The following EMC1 variants were observed in gnomAD, a reference collection of about 807,000 sequenced individuals.
The protein encoded by EMC1 is ER membrane protein complex subunit 1, also known as KIAA0090.
In EMC1, 103 loss-of-function variants were observed where a neutral mutation model predicts 128.8. That is an observed-to-expected ratio of 0.80 (90% CI 0.68 to 0.94). The LOEUF is 0.94. Among genes scored for constraint, EMC1 ranks in the 40% least tolerant of loss-of-function variants. EMC1 has a pLI of 0.00. For synonymous variants in EMC1, 442 were observed against 490.4 expected (o/e 0.90, Z 1.30); for missense variants, 1,083 against 1,250.6 (o/e 0.87, Z 2.02).
intron 6 of EMC1, 70 bp from the exon 7 acceptor site, chr1:19,240,516 A>G (rs763432428): frequency 7.0e-6 from 11 of 1,562,056 alleles, no homozygotes; most frequent in Non-Finnish European, 8.8e-6. Context: ...CCCAACAGCA[A>G]TATTGCTGCC....
Position 19,219,020 on chromosome 1 carries a change from A to T in EMC1, c.*283T>A. 1 of 308,602 alleles carries T rather than the reference A, an allele frequency of 3.2e-6. No individual in the cohort carries two copies. Among genetic ancestry groups the T allele is most frequent in the Non-Finnish European group, 6.0e-6 (1 of 166,146 alleles). The allele number at this position is 308,602 out of a possible 1,614,324, so 19.1% of individuals were successfully genotyped here. On this transcript the variant is annotated 3_prime_UTR_variant, in exon 23 of 23. Coordinates refer to ENST00000477853, the MANE Select transcript of EMC1 (RefSeq NM_015047.3). ...CAAAACAGAACATTCATGGATGGGCAAAGAAAGGAAACAATGCAGACGCCT... is the reference window on the plus strand; with the variant it reads ...CAAAACAGAACATTCATGGATGGGCTAAGAAAGGAAACAATGCAGACGCCT...
rs1230535881 is a variant in EMC1 at position 19,239,319 on chromosome 1, G to A, written c.955-17C>T. ...TAGGGCAGTCTGGGGGAAAAGCAAGGCATCAGCTCCTAAATGGGACCAGTA... is the reference window on the plus strand; with the variant it reads ...TAGGGCAGTCTGGGGGAAAAGCAAGACATCAGCTCCTAAATGGGACCAGTA... On this transcript the variant is annotated splice_polypyrimidine_tract_variant and intron_variant, in intron 8 of 22. Coordinates refer to ENST00000477853, the MANE Select transcript of EMC1 (RefSeq NM_015047.3). 6.2e-7 allele frequency: 1 copy of A among 1,612,746 alleles called. No individual in the cohort carries two copies. The highest frequency in any genetic ancestry group is 1.1e-5 in the South Asian group (1 of 91,050).
intron 17 of EMC1, among the ~76,000 whole-genome samples, chr1:19,230,389 C>G (rs2093510965): frequency 6.6e-6 from 1 of 151,116 alleles, no homozygotes; most frequent in African/African-American, 2.4e-5. Flanking sequence ...GCCAACACAG[C>G]AAAGCCCTGT....
chr1:19,239,387 CCTTGGCCTTAGAGTTGA>C, intron 8 of EMC1, 85 bp from the exon 9 acceptor site: 1 of 1,249,920 alleles, frequency 8.0e-7, no homozygotes, highest in Non-Finnish European at 1.2e-6. Flanking sequence ...CAGGGAAGGC[CCTTGGCCTTAGAGTTGA>C]AAGTGCTCCC....
chr1:19,240,076 G>T, intron 7 of EMC1, 91 bp from the exon 8 acceptor site: 1 of 1,359,662 alleles, frequency 7.4e-7, no homozygotes, highest in Non-Finnish European at 1.0e-6. Flanking sequence ...CTTTGCCGGG[G>T]GAAGTAACTG....
intron 3 of EMC1, 28 bp from the exon 4 acceptor site, chr1:19,243,735 C>A: frequency 6.2e-7 from 1 of 1,607,738 alleles, no homozygotes; most frequent in African/African-American, 1.3e-5. Context: ...GTGGTGAAGT[C>A]ATTTCCCACT....
At chr1:19,250,849 G>A (rs779549927) in intron 1 of EMC1, among the ~76,000 whole-genome samples, 4 of 152,158 alleles carry the variant, frequency 2.6e-5, no homozygotes, top group Admixed American at 6.5e-5. Context: ...AGCTACTCCA[G>A]GGCCTTAAGG....
At chr1:19,245,658 C>A (rs1350382537) in intron 1 of EMC1, among the ~76,000 whole-genome samples, 1 of 115,190 alleles carries the variant, frequency 8.7e-6, no homozygotes, top group Non-Finnish European at 1.7e-5. Flanking sequence ...AAGTCTCACT[C>A]TTGTCCCCCA....
intron 19 of EMC1, 74 bp from the exon 20 acceptor site, chr1:19,222,908 AC>A: frequency 2.6e-6 from 3 of 1,147,768 alleles, no homozygotes; most frequent in Non-Finnish European, 3.7e-6. Flanking sequence ...ACTGGAAGGC[AC>A]CCCTCTAATT....
intron 1 of EMC1, among the ~76,000 whole-genome samples, chr1:19,246,274 C>A (rs1474448932): frequency 6.6e-5 from 10 of 151,868 alleles, no homozygotes; most frequent in African/African-American, 1.2e-4. Context: ...CCTGTCATCC[C>A]AACTACTCGG....
chr1:19,224,023 T>A (rs530612536), intron 18 of EMC1, among the ~76,000 whole-genome samples: 15 of 152,296 alleles, frequency 9.8e-5, no homozygotes, highest in Admixed American at 3.9e-4. Context: ...CTTGACCCAC[T>A]AGTACCACGT....
chr1:19,249,275 CTGA>C (rs2093646193), intron 1 of EMC1, among the ~76,000 whole-genome samples: 1 of 91,008 alleles, frequency 1.1e-5, no homozygotes, highest in Non-Finnish European at 2.5e-5. Flanking sequence ...CAACCACTTA[CTGA>C]CTAACCCCAG....
At position 19,238,077 on chromosome 1, in the gene EMC1, C is replaced by T. The variant is rs141353247; in HGVS notation, c.1152G>A (p.Arg384=). 6.2e-7 allele frequency: 1 copy of T among 1,614,148 alleles called. No homozygotes were observed. The highest frequency in any genetic ancestry group is 1.3e-5 in the African/African-American group (1 of 75,054). Residue 384 remains arginine (R), a synonymous_variant, in exon 11 of 23, where the codon CGG becomes CGA. Coordinates refer to ENST00000477853, the MANE Select transcript of EMC1 (RefSeq NM_015047.3). ...TINLYLVETG[R]RLLDTTITFS... ...ATGTTATCGTGGTGTCCAGCAGCCG[C>T]CGACCTGTCTCCACGAGGTATAGGT...
At position 19,218,613 on chromosome 1, in the gene EMC1, G is replaced by C. The variant is rs1236903423; in HGVS notation, c.*690C>G. 6.6e-6 allele frequency: 1 copy of C among 152,152 alleles called. No individual in the cohort carries two copies. Among genetic ancestry groups the C allele is most frequent in the Non-Finnish European group, 1.5e-5 (1 of 68,044 alleles). The allele number at this position is 152,152 out of a possible 1,614,324, so 9.4% of individuals were successfully genotyped here. A position where few individuals can be genotyped will look rare whatever the true frequency, so the allele number is the denominator to read the frequency against. On this transcript the variant is annotated 3_prime_UTR_variant, in exon 23 of 23. Coordinates refer to ENST00000477853, the MANE Select transcript of EMC1 (RefSeq NM_015047.3). Reference sequence around the variant, plus strand: ...ATAGGCAATGGGCAACAAACAAGACGCTAGTATGCACTTGGCTTCTGATAA... The same window carrying C: ...ATAGGCAATGGGCAACAAACAAGACCCTAGTATGCACTTGGCTTCTGATAA...
Position 19,220,817 on chromosome 1 carries a change from A to C in EMC1, c.2619T>G (p.Leu873=). ...GGCGGGGATCCAGCAAAGCCTTAGG[A>C]AGGGAAAGAATTGCTCCAGAAGGTA... ...IGLPSGAILS[L]PKALLDPRRP... is the part of the protein sequence containing the mutation. The change falls in exon 21 of 23, where the codon CTT becomes CTG. Residue 873 remains leucine, a synonymous_variant. Transcript: ENST00000477853. The C allele has an allele frequency of 6.2e-7, 1 of 1,613,816 alleles. No homozygotes were observed. The highest frequency in any genetic ancestry group is 8.5e-7 in the Non-Finnish European group (1 of 1,179,892).
chr1:19,246,215 A>G (rs1031671048), intron 1 of EMC1, among the ~76,000 whole-genome samples: 3 of 151,506 alleles, frequency 2.0e-5, no homozygotes, highest in African/African-American at 7.3e-5. Context: ...CTTGGTGAGA[A>G]CCCATCTCTA....
intron 1 of EMC1, among the ~76,000 whole-genome samples, chr1:19,249,370 TTACCA>T (rs1361957924): frequency 1.3e-5 from 2 of 152,194 alleles, no homozygotes; most frequent in Non-Finnish European, 1.5e-5. Flanking sequence ...TATCCTATTT[TTACCA>T]TACATTTTCT....
intron 5 of EMC1, 141 bp downstream of exon 5, chr1:19,242,204 A>T: frequency 1.2e-6 from 1 of 833,126 alleles, no homozygotes; most frequent in Non-Finnish European, 1.9e-6. Flanking sequence ...CCTTCAAGAT[A>T]TTCTGAGTGC....
At chr1:19,232,210 C>T (rs1258586954) in intron 15 of EMC1, among the ~76,000 whole-genome samples, 2 of 152,160 alleles carry the variant, frequency 1.3e-5, no homozygotes, top group African/African-American at 2.4e-5. Flanking sequence ...TGCAGTGAGC[C>T]GAGATCGCAC....
Sources: allele counts gnomAD v4.1 joint callset (sites outside exome capture counted in the v4.1 genomes callset), GRCh38; gene constraint gnomAD v4.1.1; transcripts MANE v1.5; gene names NCBI Gene and HGNC (gene_info 2026-07-23, HGNC 2026-07-21).